NFATC1: variants seen among roughly 807,000 people sequenced by gnomAD.
NFATC1 encodes the protein nuclear factor of activated T-cells, cytoplasmic 1.
NFATC1 carries 22 observed loss-of-function variants against 76.0 expected under a neutral mutation model. The ratio of observed to expected loss-of-function variants is 0.29; its 90% CI spans 0.21 to 0.41. The LOEUF (loss-of-function observed/expected upper bound fraction) is 0.41. NFATC1 is among the 10% of genes least tolerant of loss of function. The pLI is 1.00. For missense variants in NFATC1, 1,357 were observed against 1,337.7 expected, an observed-to-expected ratio of 1.01 and a Z score of -0.23; for synonymous variants, 704 against 613.1, an observed-to-expected ratio of 1.15 and a Z score of -2.19.
chr18:79,403,104 G>A (rs1053778277), intron 1 of NFATC1, among the ~76,000 whole-genome samples: 1 of 152,206 alleles, frequency 6.6e-6, no homozygotes, highest in Non-Finnish European at 1.5e-5. Flanking sequence ...TCAGTGTACC[G>A]GGGTTGGGGG....
intron 3 of NFATC1, among the ~76,000 whole-genome samples, chr18:79,443,967 C>T (rs969042236): frequency 2.0e-5 from 3 of 152,172 alleles, no homozygotes; most frequent in Non-Finnish European, 2.9e-5. Context: ...GTCAGGAGGG[C>T]CTGGCCCTGC....
intron 9 of NFATC1, among the ~76,000 whole-genome samples, chr18:79,520,064 G>A (rs563169903): frequency 3.3e-5 from 5 of 152,318 alleles, no homozygotes; most frequent in Admixed American, 6.5e-5. Flanking sequence ...CGTTTTGACC[G>A]TCGGCAGGGG....
At position 79,465,122 on chromosome 18, in the gene NFATC1, G is replaced by C. The variant is rs2088406245; in HGVS notation, c.1960-2328G>C. Reference sequence around the variant, plus strand: ...TTTAAAGCAGGTTGCGTAGGTGCTGGTGCCATTTGGAACCCGTATTTTTTC... The same window carrying C: ...TTTAAAGCAGGTTGCGTAGGTGCTGCTGCCATTTGGAACCCGTATTTTTTC... On this transcript the variant is annotated intron_variant, in intron 7 of 9. Transcript: ENST00000427363. This position sits in a 1 kb window ranked among gnomAD's most constrained non-coding sequence, Gnocchi z 4.2. Among the ~76,000 whole-genome samples the C allele has an allele frequency of 6.6e-6, 1 of 152,170 alleles. No individual in the cohort carries two copies. Among genetic ancestry groups the C allele is most frequent in the South Asian group, 2.1e-4 (1 of 4,824 alleles).
intron 2 of NFATC1, among the ~76,000 whole-genome samples, chr18:79,428,379 A>G (rs938857248): frequency 2.0e-5 from 3 of 152,184 alleles, no homozygotes; most frequent in Non-Finnish European, 2.9e-5. Flanking sequence ...GATATATCAC[A>G]TTGGCAAAGA....
chr18:79,399,706 C>T (rs1429046508), intron 1 of NFATC1, among the ~76,000 whole-genome samples: 1 of 151,766 alleles, frequency 6.6e-6, no homozygotes, highest in African/African-American at 2.4e-5. Flanking sequence ...GCGCGCAGGG[C>T]GGGTGTTTGG....
In NFATC1 at chr18:79,410,967, T is replaced by G; in HGVS notation, c.692T>G (p.Leu231Arg). ...FPRGLGACTLLGSPRHSPSTS... is the reference protein window; with the variant it reads ...FPRGLGACTLRGSPRHSPSTS... ...CGCGGGCTGGGGGCCTGCACACTGCTGGGTTCCCCGCGGCACTCCCCCTCC... is the reference window on the plus strand; with the variant it reads ...CGCGGGCTGGGGGCCTGCACACTGCGGGGTTCCCCGCGGCACTCCCCCTCC... The change falls in exon 2 of 10, where the codon CTG (leucine) becomes CGG (arginine). Residue 231 changes from leucine to arginine, a missense_variant. Leu to Arg is a moderately radical substitution (Grantham distance 102). Transcript: ENST00000427363. The surrounding 1 kb of genome is among the most constrained non-coding windows in gnomAD (Gnocchi z 6.7). 1 of 1,603,204 alleles carries G rather than the reference T, an allele frequency of 6.2e-7. No individual in the cohort carries two copies. The highest frequency in any genetic ancestry group is 8.5e-7 in the Non-Finnish European group (1 of 1,175,354).
intron 1 of NFATC1, chr18:79,402,447 T>C: frequency 2.1e-6 from 2 of 960,624 alleles, no homozygotes; most frequent in Non-Finnish European, 1.2e-6. Flanking sequence ...TTGAGCAGAA[T>C]GAGTGAAGCC....
chr18:79,401,475 A>C (rs1011188763), intron 1 of NFATC1, among the ~76,000 whole-genome samples: 1 of 152,122 alleles, frequency 6.6e-6, no homozygotes, highest in Non-Finnish European at 1.5e-5. Context: ...CCTGGGTTCT[A>C]GGTCTTTGGG....
At chr18:79,451,627 G>A (rs1364166583) in intron 5 of NFATC1, 49 bp from the exon 6 acceptor site, 1 of 1,471,880 alleles carries the variant, frequency 6.8e-7, no homozygotes, top group African/African-American at 1.4e-5. Context: ...GTGTGCCCCA[G>A]GCCGCCCACT....
chr18:79,476,011 C>G (rs1243022536), intron 8 of NFATC1, among the ~76,000 whole-genome samples: 4 of 152,178 alleles, frequency 2.6e-5, no homozygotes, highest in Non-Finnish European at 4.4e-5. Flanking sequence ...GAGTCTGGCT[C>G]CAGAAGGGGG....
intron 9 of NFATC1, among the ~76,000 whole-genome samples, chr18:79,520,306 G>A (rs1412016984): frequency 2.0e-5 from 3 of 151,890 alleles, no homozygotes; most frequent in South Asian, 2.1e-4. Flanking sequence ...GGAGGGACTC[G>A]GTGTGTCTCG....
At chr18:79,411,561 C>CGCGGGGAGCGGG (rs1396735892) in intron 2 of NFATC1, 60 bp downstream of exon 2, 5 of 1,178,462 alleles carry the variant, frequency 4.2e-6, no homozygotes, top group Non-Finnish European at 5.4e-6. Flanking sequence ...CGGGGCGGAA[C>CGCGGGGAGCGGG]GCGGGGAGCG....
At chr18:79,428,250 C>T (rs1056463161) in intron 2 of NFATC1, among the ~76,000 whole-genome samples, 5 of 152,176 alleles carry the variant, frequency 3.3e-5, no homozygotes, top group East Asian at 1.9e-4. Context: ...GAAGTTTTAC[C>T]GCTGCTGGTT....
chr18:79,415,994 G>A (rs975905295), intron 2 of NFATC1, among the ~76,000 whole-genome samples: 6 of 152,204 alleles, frequency 3.9e-5, no homozygotes, highest in African/African-American at 7.2e-5. Flanking sequence ...CCCAGGAGGC[G>A]GAGGTTGCAG....
intron 9 of NFATC1, among the ~76,000 whole-genome samples, chr18:79,492,224 G>A (rs533022135): frequency 1.3e-5 from 2 of 152,086 alleles, no homozygotes; most frequent in African/African-American, 2.4e-5. Context: ...CTGCTCAGCC[G>A]CAGGAACCTA....
intron 2 of NFATC1, among the ~76,000 whole-genome samples, chr18:79,423,066 G>A (rs768968511): frequency 3.8e-4 from 58 of 151,634 alleles, no homozygotes; most frequent in Admixed American, 1.5e-3. Flanking sequence ...AAGCTGTTGT[G>A]AGGCTCACGA....
chr18:79,527,000 C>CAT (rs2090784336), intron 9 of NFATC1: 1 of 153,156 alleles, frequency 6.5e-6, no homozygotes, highest in African/African-American at 2.4e-5. Context: ...GGCGGGGATG[C>CAT]ATGCAGCTCA....
At chr18:79,434,678 G>T (rs1461265799) in intron 3 of NFATC1, among the ~76,000 whole-genome samples, 1 of 152,260 alleles carries the variant, frequency 6.6e-6, no homozygotes, top group Non-Finnish European at 1.5e-5. Flanking sequence ...TTTAGGGAAT[G>T]ATGCAAGCCG....
intron 7 of NFATC1, 150 bp downstream of exon 7, chr18:79,461,516 C>G: frequency 1.5e-6 from 1 of 688,662 alleles, no homozygotes; most frequent in African/African-American, 1.8e-5. Flanking sequence ...CATAGAGTAA[C>G]AGAACCAGTA....
Sources: gnomAD v4.1 joint callset for allele counts (sites outside exome capture counted in the v4.1 genomes callset) on GRCh38, gnomAD v4.1.1 for gene constraint, Gnocchi (gnomAD v3.1) non-coding constraint, MANE v1.5 for transcripts, NCBI Gene and HGNC (gene_info 2026-07-23, HGNC 2026-07-21) for gene names.